The following FN1 variants were observed in gnomAD, a reference collection of about 807,000 sequenced individuals.
FN1 encodes the protein fibronectin.
A neutral mutation model predicts 297.3 loss-of-function variants in FN1; 106 were observed. The ratio of observed to expected loss-of-function variants is 0.36; its 90% CI spans 0.30 to 0.42. The LOEUF (loss-of-function observed/expected upper bound fraction) is 0.42. FN1 is among the 10% of genes least tolerant of loss of function. The pLI, the probability that FN1 is intolerant of heterozygous loss-of-function variation, is 1.00. For synonymous variants in FN1, 1,149 were observed against 1,152.6 expected, an observed-to-expected ratio of 1.00 and a Z score of 0.06; for missense variants, 2,690 against 3,124.9, an observed-to-expected ratio of 0.86 and a Z score of 3.32.
chr2:215,431,504 T>C (rs1430701315), intron 4 of FN1, among the ~76,000 whole-genome samples: 1 of 152,218 alleles, frequency 6.6e-6, no homozygotes, highest in Non-Finnish European at 1.5e-5. Context: ...AGTGTCATTT[T>C]TTTTTCTTTT....
rs942865914 is a variant in FN1, at chr2:215,408,789, C to G, written c.2300-363G>C. Among the ~76,000 whole-genome samples the G allele has an allele frequency of 2.0e-5, 3 of 152,146 alleles. No individual in the cohort carries two copies. In the East Asian group the frequency reaches 5.8e-4, roughly 30 times the overall value. On this transcript the variant is annotated intron_variant, in intron 15 of 45. Transcript: ENST00000354785. Reference sequence around the variant, plus strand: ...TTCACCATGTTGGCCAGGCTGATCTCGAACTCCTGGCCTCAAGTGATCCAC... The same window carrying G: ...TTCACCATGTTGGCCAGGCTGATCTGGAACTCCTGGCCTCAAGTGATCCAC...
At position 215,397,153 on chromosome 2, in the gene FN1, C is replaced by A; in HGVS notation, c.3588G>T (p.Glu1196Asp). ...CAAACTTACCTGGGGTGGTGCTCCT[C>A]TCCCAGGAGACTGTGAGCACTCCAG... is the stretch of plus-strand genomic sequence containing the variant. ...PDTGVLTVSW[E>D]RSTTPDITGY... The change falls in exon 23 of 46, where the codon GAG (glutamate) becomes GAT (aspartate). Residue 1196 changes from glutamate (E) to aspartate (D), a missense_variant. Glu to Asp is a conservative substitution (Grantham distance 45, BLOSUM62 2). Coordinates refer to ENST00000354785, the MANE Select transcript of FN1 (RefSeq NM_212482.4). The A allele has an allele frequency of 6.2e-7, 1 of 1,613,436 alleles. No homozygotes were observed. Among genetic ancestry groups the A allele is most frequent in the Non-Finnish European group, 8.5e-7 (1 of 1,179,356 alleles).
At chr2:215,361,669 T>C (rs777238193) in intron 45 of FN1, 43 bp from the exon 46 acceptor site, 9 of 1,433,418 alleles carry the variant, frequency 6.3e-6, no homozygotes, top group Non-Finnish European at 7.9e-6. Flanking sequence ...TGGCAAATAC[T>C]GTAAAGTGTA....
intron 2 of FN1, among the ~76,000 whole-genome samples, chr2:215,434,198 G>T (rs765874907): frequency 2.8e-5 from 4 of 141,684 alleles, no homozygotes; most frequent in Non-Finnish European, 4.8e-5. Flanking sequence ...ATTTTCCCCT[G>T]ATCAGTGCTT....
intron 13 of FN1, among the ~76,000 whole-genome samples, chr2:215,414,079 G>A (rs2063083278): frequency 6.6e-6 from 1 of 152,170 alleles, no homozygotes. Context: ...CTTTGTAATT[G>A]TAGAATTCAA....
intron 40 of FN1, among the ~76,000 whole-genome samples, chr2:215,371,145 G>C (rs945526643): frequency 2.6e-5 from 4 of 152,066 alleles, no homozygotes; most frequent in African/African-American, 9.7e-5. Context: ...GCACATGCCT[G>C]TAATCCCAGC....
chr2:215,428,532 G>A (rs1488660632), intron 5 of FN1, among the ~76,000 whole-genome samples, 194 bp from the exon 6 acceptor site: 2 of 152,160 alleles, frequency 1.3e-5, no homozygotes, highest in African/African-American at 4.8e-5. Flanking sequence ...GCAGCTGAAT[G>A]GTTTAGTCTA....
At chr2:215,423,757 C>CCA (rs398105320) in intron 8 of FN1, among the ~76,000 whole-genome samples, 1 of 152,034 alleles carries the variant, frequency 6.6e-6, no homozygotes. Context: ...GCACCCCCCC[C>CCA]ACAAAAGATT....
At chr2:215,388,136 A>T in intron 27 of FN1, 76 bp downstream of exon 27, 1 of 1,033,410 alleles carries the variant, frequency 9.7e-7, no homozygotes, top group South Asian at 1.3e-5. Context: ...ATGTATTTTT[A>T]GAAGTAGCAT....
Position 215,361,352 on chromosome 2 carries a change from C to T in FN1, c.*203G>A. On this transcript the variant is annotated 3_prime_UTR_variant, in exon 46 of 46. Transcript: ENST00000354785. ...TCGAAGCAGAACAGGCAATGTGCAG[C>T]CCTCATTTATGAGAAAACCCTCAGG... is the stretch of plus-strand genomic sequence containing the variant. The T allele has an allele frequency of 1.6e-6, 1 of 621,164 alleles. No homozygotes were observed. Among genetic ancestry groups the T allele is most frequent in the East Asian group, 2.8e-5 (1 of 35,964 alleles). The allele number at this position is 621,164 out of a possible 1,614,324, so 38.5% of individuals were successfully genotyped here.
chr2:215,386,858 G>A lies in FN1; in HGVS notation c.4443C>T (p.Ile1481=). ...APRATITGYR[I]RHHPEHFSGR... Reference sequence around the variant, plus strand: ...CACTGAAGTGCTCGGGATGATGGCGGATCCTGTAGCCAGTGATGGTGGCTC... The same window carrying A: ...CACTGAAGTGCTCGGGATGATGGCGAATCCTGTAGCCAGTGATGGTGGCTC... The change falls in exon 28 of 46, where the codon ATC becomes ATT. Residue 1481 remains isoleucine, a synonymous_variant. Transcript: ENST00000354785. 1 of 1,614,014 alleles carries A rather than the reference G, an allele frequency of 6.2e-7. No homozygotes were observed. Among genetic ancestry groups the A allele is most frequent in the Non-Finnish European group, 8.5e-7 (1 of 1,179,998 alleles).
intron 33 of FN1, chr2:215,379,537 C>T: frequency 5.9e-6 from 3 of 504,910 alleles, no homozygotes. Context: ...CTCAGAATCA[C>T]TGAAAACATT....
chr2:215,409,778 A>T, intron 14 of FN1, 39 bp from the exon 15 acceptor site: 1 of 1,611,686 alleles, frequency 6.2e-7, no homozygotes, highest in East Asian at 2.2e-5. Flanking sequence ...GCCTTCAGTC[A>T]TCTAGAAAAT....
At chr2:215,429,279 G>T (rs1038297590) in intron 5 of FN1, among the ~76,000 whole-genome samples, 1 of 152,138 alleles carries the variant, frequency 6.6e-6, no homozygotes, top group African/African-American at 2.4e-5. Flanking sequence ...AAATTATTCA[G>T]TGTTAGCCCT....
Position 215,365,525 on chromosome 2 carries a change from C to G in FN1, c.7124G>C (p.Gly2375Ala). The change falls in exon 43 of 46, where the codon GGA (glycine) becomes GCA (alanine). Residue 2375 changes from glycine (G) to alanine (A), a missense_variant. Transcript: ENST00000354785. ...CATACGAGGGTCACACTTGAATTCT[C>G]CTTTTCCGTTCCCAAGACATGTGCA... ...MSCTCLGNGK[G>A]EFKCDPHEAT... 6.2e-7 allele frequency: 1 copy of G among 1,614,132 alleles called. No individual in the cohort carries two copies. The highest frequency in any genetic ancestry group is 1.1e-5 in the South Asian group (1 of 91,080).
chr2:215,428,533 G>A (rs1239636575), intron 5 of FN1, among the ~76,000 whole-genome samples, 195 bp from the exon 6 acceptor site: 1 of 152,166 alleles, frequency 6.6e-6, no homozygotes, highest in Non-Finnish European at 1.5e-5. Context: ...CAGCTGAATG[G>A]TTTAGTCTAG....
At chr2:215,385,007 G>C in intron 28 of FN1, 31 bp from the exon 29 acceptor site, 1 of 1,401,930 alleles carries the variant, frequency 7.1e-7, no homozygotes. Context: ...TTTCACATCC[G>C]TAATTTTCAA....
intron 19 of FN1, among the ~76,000 whole-genome samples, chr2:215,404,989 G>C (rs1367945481): frequency 6.6e-6 from 1 of 152,210 alleles, no homozygotes; most frequent in African/African-American, 2.4e-5. Context: ...CACTTCTGAA[G>C]TTCACAGTTA....
At chr2:215,420,964 T>G in intron 10 of FN1, 163 bp from the exon 11 acceptor site, 1 of 761,134 alleles carries the variant, frequency 1.3e-6, no homozygotes, top group South Asian at 1.7e-5. Flanking sequence ...TTTCAAAGTT[T>G]GGTCAGTAAT....
Sources: gnomAD v4.1 joint callset for allele counts (sites outside exome capture counted in the v4.1 genomes callset) on GRCh38, gnomAD v4.1.1 for gene constraint, MANE v1.5 for transcripts, NCBI Gene and HGNC (gene_info 2026-07-23, HGNC 2026-07-21) for gene names.